Variants in CDKAL1 observed in about 807,000 individuals in gnomAD.
CDKAL1 encodes the protein CDKAL1 threonylcarbamoyladenosine tRNA methylthiotransferase.
Under a neutral mutation model 68.2 loss-of-function variants are expected in CDKAL1, and 32 were observed. The observed-to-expected ratio is 0.47, with a 90% confidence interval of 0.35 to 0.63. The LOEUF (loss-of-function observed/expected upper bound fraction) is 0.63. Ranked by LOEUF, CDKAL1 falls within the 30% of genes least tolerant of loss-of-function variation. The pLI is 0.00. For synonymous variants in CDKAL1, 234 were observed against 244.3 expected (o/e 0.96, Z 0.39); for missense variants, 606 against 696.7 (o/e 0.87, Z 1.47).
At chr6:20,779,364 C>G (rs575989889) in intron 7 of CDKAL1, among the ~76,000 whole-genome samples, 1 of 152,286 alleles carries the variant, frequency 6.6e-6, no homozygotes, top group East Asian at 1.9e-4. Flanking sequence ...TTTATGGTAG[C>G]TGTTAATTGG....
chr6:21,179,132 G>A (rs922350617), intron 13 of CDKAL1, among the ~76,000 whole-genome samples: 2 of 152,224 alleles, frequency 1.3e-5, no homozygotes, highest in African/African-American at 4.8e-5. Context: ...CTGCTTTTAT[G>A]CTGTCACCTC....
intron 4 of CDKAL1, among the ~76,000 whole-genome samples, chr6:20,587,754 C>T (rs9465821): frequency 0.37 from 55,081 of 148,462 alleles, 10,315 homozygotes; most frequent in Middle Eastern, 0.49. Context: ...ACAAACAAAC[C>T]GCCCCCCTCA....
intron 4 of CDKAL1, among the ~76,000 whole-genome samples, chr6:20,573,627 G>A (rs1764797767): frequency 6.6e-6 from 1 of 152,100 alleles, no homozygotes; most frequent in Admixed American, 6.5e-5. Context: ...AATAAATATA[G>A]TATTTGGTTT....
At chr6:20,616,839 CCACACACACACA>C (rs756883799) in intron 4 of CDKAL1, among the ~76,000 whole-genome samples, 60 of 121,394 alleles carry the variant, frequency 4.9e-4, no homozygotes, top group African/African-American at 1.3e-3. Flanking sequence ...CCCGACTCTA[CCACACACACACA>C]CACACACACA....
At chr6:20,543,024 G>T (rs1217693942) in intron 2 of CDKAL1, among the ~76,000 whole-genome samples, 1 of 152,228 alleles carries the variant, frequency 6.6e-6, no homozygotes, top group Non-Finnish European at 1.5e-5. Flanking sequence ...GCTCAATAGT[G>T]TTCCATGGTA....
intron 9 of CDKAL1, among the ~76,000 whole-genome samples, chr6:20,893,213 G>A (rs1044485612): frequency 6.6e-6 from 1 of 152,120 alleles, no homozygotes; most frequent in Non-Finnish European, 1.5e-5. Flanking sequence ...TAATTCTTTG[G>A]GGTTTTGACT....
intron 11 of CDKAL1, among the ~76,000 whole-genome samples, chr6:21,059,194 T>A (rs1771003315): frequency 6.6e-6 from 1 of 152,210 alleles, no homozygotes; most frequent in South Asian, 2.1e-4. Flanking sequence ...CTGGCCATGA[T>A]CTGCCACAGC....
At chr6:21,190,654 G>A (rs953396420) in intron 13 of CDKAL1, among the ~76,000 whole-genome samples, 13 of 152,126 alleles carry the variant, frequency 8.5e-5, no homozygotes, top group Admixed American at 2.6e-4. Context: ...GGCGTGAGCC[G>A]CTGCGCCCGG....
At chr6:21,091,550 T>C (rs1256630503) in intron 12 of CDKAL1, among the ~76,000 whole-genome samples, 1 of 152,168 alleles carries the variant, frequency 6.6e-6, no homozygotes, top group African/African-American at 2.4e-5. Flanking sequence ...AGGCATCTCC[T>C]CACTCACACC....
At position 21,193,621 on chromosome 6, in the gene CDKAL1, C is replaced by A. The variant is rs180880286; in HGVS notation, c.1300-4400C>A. On this transcript the variant is annotated intron_variant, in intron 13 of 15. Transcript: ENST00000274695. Reference sequence around the variant, plus strand: ...TCTCACTCAGACCCTGTGTCTTTGTCCCCTACTGACCAATCCATATATGTG... The same window carrying A: ...TCTCACTCAGACCCTGTGTCTTTGTACCCTACTGACCAATCCATATATGTG... Among the ~76,000 whole-genome samples, 162 of 152,274 alleles carry A rather than the reference C, an allele frequency of 1.1e-3. 3 individuals are homozygous for A. Among genetic ancestry groups the A allele is most frequent in the African/African-American group, 3.8e-3 (157 of 41,562 alleles).
At chr6:20,730,521 C>T (rs1240930386) in intron 5 of CDKAL1, among the ~76,000 whole-genome samples, 1 of 151,680 alleles carries the variant, frequency 6.6e-6, no homozygotes, top group East Asian at 1.9e-4. Context: ...AAAGAGATTA[C>T]ATGGTAGAGG....
chr6:21,021,126 G>A (rs1768638125), intron 11 of CDKAL1, among the ~76,000 whole-genome samples: 1 of 152,158 alleles, frequency 6.6e-6, no homozygotes, highest in Non-Finnish European at 1.5e-5. Flanking sequence ...CACAGGCATA[G>A]GGCCAGTTAA....
chr6:20,982,138 C>T (rs1245236686), intron 10 of CDKAL1, among the ~76,000 whole-genome samples: 2 of 151,754 alleles, frequency 1.3e-5, no homozygotes, highest in African/African-American at 4.8e-5. Context: ...GCAATCTTGG[C>T]TCATTGCAAC....
At chr6:20,959,090 T>C (rs1225187328) in intron 10 of CDKAL1, among the ~76,000 whole-genome samples, 3 of 152,228 alleles carry the variant, frequency 2.0e-5, no homozygotes, top group African/African-American at 7.2e-5. Flanking sequence ...AGTCTAGCAT[T>C]GTGTGTGGCA....
At chr6:21,191,392 A>G (rs999059638) in intron 13 of CDKAL1, among the ~76,000 whole-genome samples, 1 of 152,228 alleles carries the variant, frequency 6.6e-6, no homozygotes, top group Non-Finnish European at 1.5e-5. Context: ...TGTGACACAA[A>G]TGACACAGCT....
chr6:20,828,047 C>A (rs1777570584), intron 8 of CDKAL1, among the ~76,000 whole-genome samples: 1 of 152,030 alleles, frequency 6.6e-6, no homozygotes, highest in Non-Finnish European at 1.5e-5. Flanking sequence ...GAAATACAAA[C>A]AACAAATGTG....
intron 12 of CDKAL1, among the ~76,000 whole-genome samples, chr6:21,067,169 A>T (rs1771500665): frequency 6.6e-6 from 1 of 152,106 alleles, no homozygotes; most frequent in Admixed American, 6.5e-5. Context: ...CAAGTACCAC[A>T]CAGGTCCCTG....
At chr6:21,056,602 C>T (rs749643274) in intron 11 of CDKAL1, among the ~76,000 whole-genome samples, 13 of 151,974 alleles carry the variant, frequency 8.6e-5, no homozygotes, top group African/African-American at 2.4e-4. Flanking sequence ...GTCTTGTGCC[C>T]GTTTTCAAGG....
intron 5 of CDKAL1, among the ~76,000 whole-genome samples, chr6:20,702,885 A>C (rs1207089515): frequency 1.3e-5 from 2 of 151,922 alleles, no homozygotes; most frequent in African/African-American, 4.8e-5. Context: ...TCCCTTCACC[A>C]CTTCTTTATC....
Sources: allele counts gnomAD v4.1 joint callset (sites outside exome capture counted in the v4.1 genomes callset), GRCh38; gene constraint gnomAD v4.1.1; transcripts MANE v1.5; gene names NCBI Gene and HGNC (gene_info 2026-07-23, HGNC 2026-07-21).